Variants in CYTH3 observed in about 807,000 individuals in gnomAD.
CYTH3 encodes cytohesin 3, also known as cytohesin-3.
A neutral mutation model predicts 55.1 loss-of-function variants in CYTH3; 23 were observed. The observed-to-expected ratio is 0.42, with a 90% CI of 0.30 to 0.59. CYTH3 has a LOEUF of 0.59. Among genes scored for constraint, CYTH3 ranks in the 20% least tolerant of loss-of-function variants. The probability of loss-of-function intolerance (pLI) is 0.20; values close to 1 mark genes in which losing one functional copy is unlikely to be tolerated. For synonymous variants in CYTH3, 249 were observed against 194.9 expected, an observed-to-expected ratio of 1.28 and a Z score of -2.31; for missense variants, 413 against 524.8, an observed-to-expected ratio of 0.79 and a Z score of 2.08.
intron 4 of CYTH3, among the ~76,000 whole-genome samples, chr7:6,181,986 T>C (rs576643608): frequency 1.9e-4 from 29 of 152,300 alleles, no homozygotes; most frequent in African/African-American, 6.7e-4. Context: ...ATTTATAATA[T>C]ACACAAATAT....
At chr7:6,233,336 A>G (rs906245456) in intron 1 of CYTH3, among the ~76,000 whole-genome samples, 1 of 152,214 alleles carries the variant, frequency 6.6e-6, no homozygotes, top group African/African-American at 2.4e-5. Flanking sequence ...GCTTTGACCC[A>G]TATCTAAGAG....
At chr7:6,233,733 C>T (rs112805669) in intron 1 of CYTH3, among the ~76,000 whole-genome samples, 3 of 152,060 alleles carry the variant, frequency 2.0e-5, no homozygotes, top group Non-Finnish European at 1.5e-5. Flanking sequence ...CAGGGCCTTA[C>T]CACCAGTCCC....
chr7:6,251,645 C>A (rs149272947), intron 1 of CYTH3, among the ~76,000 whole-genome samples: 25 of 152,290 alleles, frequency 1.6e-4, no homozygotes, highest in African/African-American at 6.0e-4. Context: ...AAAGTTTAAA[C>A]AGCCTTAAGA....
intron 1 of CYTH3, among the ~76,000 whole-genome samples, chr7:6,223,027 G>T (rs753633263): frequency 6.6e-6 from 1 of 152,198 alleles, no homozygotes; most frequent in Non-Finnish European, 1.5e-5. Flanking sequence ...TTCATTATTT[G>T]AAGCAAATAA....
chr7:6,209,199 C>T (rs1784268244), intron 1 of CYTH3, among the ~76,000 whole-genome samples: 1 of 152,224 alleles, frequency 6.6e-6, no homozygotes, highest in African/African-American at 2.4e-5. Context: ...CCGCTCTATG[C>T]CTCAGTTTCC....
chr7:6,208,508 G>A (rs912246030), intron 1 of CYTH3, among the ~76,000 whole-genome samples: 1 of 152,080 alleles, frequency 6.6e-6, no homozygotes, highest in Non-Finnish European at 1.5e-5. Flanking sequence ...CTTGGCAAAA[G>A]TACTTCATTC....
intron 1 of CYTH3, among the ~76,000 whole-genome samples, chr7:6,235,355 T>C (rs1779492460): frequency 6.6e-6 from 1 of 151,716 alleles, no homozygotes; most frequent in African/African-American, 2.4e-5. Context: ...CACATGCCTG[T>C]AATCCTAGCT....
intron 5 of CYTH3, among the ~76,000 whole-genome samples, chr7:6,176,322 C>G (rs1022509171): frequency 7.4e-6 from 1 of 134,544 alleles, no homozygotes; most frequent in African/African-American, 2.9e-5. Flanking sequence ...AGTGCAGTGG[C>G]ACCATCTTGG....
chr7:6,202,428 T>G (rs982955626), intron 1 of CYTH3, among the ~76,000 whole-genome samples: 1 of 151,786 alleles, frequency 6.6e-6, no homozygotes, highest in Non-Finnish European at 1.5e-5. Flanking sequence ...ACTTGGAAAT[T>G]TGGATGGTGA....
chr7:6,263,416 TAA>T (rs1780404959), intron 1 of CYTH3, among the ~76,000 whole-genome samples: 1 of 152,194 alleles, frequency 6.6e-6, no homozygotes, highest in Non-Finnish European at 1.5e-5. Flanking sequence ...ATACTCTAGA[TAA>T]ACTCACATTT....
intron 1 of CYTH3, among the ~76,000 whole-genome samples, chr7:6,240,292 CAAAAA>C (rs60884841): frequency 1.7e-5 from 1 of 60,564 alleles, no homozygotes; most frequent in African/African-American, 4.5e-5. Flanking sequence ...GACTCCATCT[CAAAAA>C]AAAAAAAAAA....
intron 1 of CYTH3, among the ~76,000 whole-genome samples, chr7:6,249,390 T>C (rs1779903603): frequency 6.6e-6 from 1 of 152,234 alleles, no homozygotes; most frequent in Non-Finnish European, 1.5e-5. Flanking sequence ...AATTTGCTTA[T>C]GGGTAAAATG....
At chr7:6,204,113 A>G (rs1440403872) in intron 1 of CYTH3, among the ~76,000 whole-genome samples, 1 of 152,172 alleles carries the variant, frequency 6.6e-6, no homozygotes, top group Non-Finnish European at 1.5e-5. Flanking sequence ...AAAGATTCTA[A>G]GTGAGAAGGA....
At chr7:6,175,900 T>G (rs1038952173) in intron 5 of CYTH3, among the ~76,000 whole-genome samples, 1 of 152,140 alleles carries the variant, frequency 6.6e-6, no homozygotes, top group African/African-American at 2.4e-5. Context: ...TTTTTTAGAC[T>G]GCTGTGGTTA....
chr7:6,207,125 C>G (rs1784210026), intron 1 of CYTH3, among the ~76,000 whole-genome samples: 1 of 117,862 alleles, frequency 8.5e-6, no homozygotes, highest in African/African-American at 3.3e-5. Context: ...GACGGAGTCT[C>G]ACTCCGTCGC....
Position 6,165,354 on chromosome 7 carries a change from C to A in CYTH3, c.1046G>T (p.Arg349Leu). ...IKACKTEADG[R>L]VVEGNHVVYR... ...CACCACATGGTTCCCCTCTACCACG[C>A]GGCCGTCGGCCTCAGTCTTACAGGC... The change falls in exon 12 of 13, where the codon CGC becomes CTC. Residue 349 changes from arginine to leucine, a missense_variant. Transcript: ENST00000350796. 1 of 1,614,172 alleles carries A rather than the reference C, an allele frequency of 6.2e-7. No individual in the cohort carries two copies. Among genetic ancestry groups the A allele is most frequent in the South Asian group, 1.1e-5 (1 of 91,090 alleles).
chr7:6,265,291 A>G (rs915405470), intron 1 of CYTH3, among the ~76,000 whole-genome samples: 1 of 151,660 alleles, frequency 6.6e-6, no homozygotes, highest in Non-Finnish European at 1.5e-5. Flanking sequence ...CACAAAGCCT[A>G]TGAGGTTTAC....
chr7:6,235,349 T>A (rs1055619282), intron 1 of CYTH3, among the ~76,000 whole-genome samples: 6 of 152,100 alleles, frequency 3.9e-5, no homozygotes, highest in African/African-American at 1.4e-4. Context: ...TGGTGGCACA[T>A]GCCTGTAATC....
chr7:6,204,937 G>C (rs1211505745), intron 1 of CYTH3, among the ~76,000 whole-genome samples: 1 of 152,154 alleles, frequency 6.6e-6, no homozygotes, highest in Non-Finnish European at 1.5e-5. Flanking sequence ...GGCTGAGGTG[G>C]GTGGATCACT....
Sources: gnomAD v4.1 joint callset for allele counts (sites outside exome capture counted in the v4.1 genomes callset) on GRCh38, gnomAD v4.1.1 for gene constraint, MANE v1.5 for transcripts, NCBI Gene and HGNC (gene_info 2026-07-23, HGNC 2026-07-21) for gene names.